The following SEPTIN7 variants were observed in gnomAD, a reference collection of about 807,000 sequenced individuals.
SEPTIN7 encodes septin 7.
In SEPTIN7, 10 loss-of-function variants were observed where a neutral mutation model predicts 63.3. The ratio of observed to expected loss-of-function variants is 0.16; its 90% CI spans 0.10 to 0.27. SEPTIN7 has a LOEUF of 0.27. Among genes scored for constraint, SEPTIN7 ranks in the 10% least tolerant of loss-of-function variants. SEPTIN7 has a pLI of 1.00. For missense variants in SEPTIN7, 310 were observed against 521.0 expected (o/e 0.59, Z 3.94); for synonymous variants, 131 against 165.3 (o/e 0.79, Z 1.59).
At chr7:35,804,578 A>G (rs551969007) in intron 1 of SEPTIN7, among the ~76,000 whole-genome samples, 4 of 152,220 alleles carry the variant, frequency 2.6e-5, no homozygotes, top group African/African-American at 4.8e-5. Flanking sequence ...TATGGATGCA[A>G]ATCTTGGCTT....
intron 1 of SEPTIN7, chr7:35,815,049 G>A (rs1788966509): frequency 3.7e-6 from 1 of 267,752 alleles, no homozygotes; most frequent in Non-Finnish European, 7.4e-6. Context: ...TCATCAGTTC[G>A]GTTATATATT....
Position 35,885,808 on chromosome 7 carries a change from G to T in SEPTIN7, c.821-20G>T, listed in dbSNP as rs780964731. The T allele has an allele frequency of 4.4e-6, 7 of 1,581,940 alleles. No homozygotes were observed. In the African/African-American group the frequency reaches 9.4e-5, roughly 21 times the overall value. The stretch of plus-strand genomic sequence containing the variant: ...GGTTTAGTGGAAATATAACATATGC[G>T]GTCTGCTTTTTTCTTACAGTTGAAA... On this transcript the variant is annotated intron_variant, in intron 9 of 13. Coordinates refer to ENST00000350320, the MANE Select transcript of SEPTIN7 (RefSeq NM_001788.6).
At chr7:35,820,980 T>G (rs546216862) in intron 1 of SEPTIN7, among the ~76,000 whole-genome samples, 2 of 152,300 alleles carry the variant, frequency 1.3e-5, no homozygotes, top group Non-Finnish European at 2.9e-5. Flanking sequence ...TGGTCACTTG[T>G]GAGTGGGCCT....
intron 3 of SEPTIN7, among the ~76,000 whole-genome samples, chr7:35,849,187 T>C (rs1352709855): frequency 2.0e-5 from 3 of 152,220 alleles, no homozygotes; most frequent in Non-Finnish European, 4.4e-5. Context: ...AATTGTCTTA[T>C]AGTAAATTCC....
downstream of SEPTIN7, among the ~76,000 whole-genome samples, chr7:35,907,517 ATGAGGAAAC>A: frequency 6.6e-6 from 1 of 152,254 alleles, no homozygotes; most frequent in Non-Finnish European, 1.5e-5. Flanking sequence ...CTGCAAAAGG[ATGAGGAAAC>A]TGAGGGTTTA....
At chr7:35,866,605 A>G (rs558936177) in intron 4 of SEPTIN7, among the ~76,000 whole-genome samples, 1 of 152,286 alleles carries the variant, frequency 6.6e-6, no homozygotes, top group East Asian at 1.9e-4. Context: ...CTTAAAGGAG[A>G]TATTCATTCA....
At chr7:35,813,486 C>A (rs904309763) in intron 1 of SEPTIN7, among the ~76,000 whole-genome samples, 1 of 152,012 alleles carries the variant, frequency 6.6e-6, no homozygotes, top group Non-Finnish European at 1.5e-5. Context: ...CTGGGTTCAG[C>A]TGCTGGCCTC....
chr7:35,828,239 A>G lies in SEPTIN7; in HGVS notation c.62-3253A>G, dbSNP rs1425629547. ...GACCTTATTTCCAAATTTTATCAGTATGTCTGTTTCTGTAATGGTATCTTT... is the reference window on the plus strand; with the variant it reads ...GACCTTATTTCCAAATTTTATCAGTGTGTCTGTTTCTGTAATGGTATCTTT... On this transcript the variant is annotated intron_variant, in intron 1 of 13. Coordinates refer to ENST00000350320, the MANE Select transcript of SEPTIN7 (RefSeq NM_001788.6). Among the ~76,000 whole-genome samples the G allele has an allele frequency of 2.0e-5, 3 of 152,084 alleles. No homozygotes were observed. The East Asian group carries it at 5.8e-4, about 29-fold the overall frequency.
intron 11 of SEPTIN7, among the ~76,000 whole-genome samples, chr7:35,895,699 A>G (rs1303259598): frequency 6.6e-6 from 1 of 152,218 alleles, no homozygotes. Flanking sequence ...TGCAGCTTTT[A>G]GCATGCTTTA....
At chr7:35,853,262 T>C (rs1375477247) in intron 3 of SEPTIN7, among the ~76,000 whole-genome samples, 1 of 152,032 alleles carries the variant, frequency 6.6e-6, no homozygotes, top group East Asian at 1.9e-4. Flanking sequence ...TGAGACCTCA[T>C]CTCTTAAAAA....
At chr7:35,865,377 TTCTTG>T (rs1785755876) in intron 4 of SEPTIN7, among the ~76,000 whole-genome samples, 1 of 152,188 alleles carries the variant, frequency 6.6e-6, no homozygotes, top group Admixed American at 6.5e-5. Flanking sequence ...AATTTGCCTG[TTCTTG>T]AATGTTACAT....
At position 35,900,257 on chromosome 7, in the gene SEPTIN7, T is replaced by TA. The variant is rs1405403484; in HGVS notation, c.1134+1875dup. 2.7e-4 allele frequency: 41 copies of TA among 152,222 alleles called. 2 individuals carry two copies. 9.4% of individuals were successfully genotyped at this position (152,222 alleles called of 1,614,324 possible). A position where few individuals can be genotyped will look rare whatever the true frequency, so the allele number is the denominator to read the frequency against. On this transcript the variant is annotated intron_variant, in intron 12 of 13. Coordinates refer to ENST00000350320, the MANE Select transcript of SEPTIN7 (RefSeq NM_001788.6). ...TCTTATTAAAATCTTTCACTGTTGT[T>TA]ATATTTGTTGTGAGTTTAATTTAGC...
rs1436046033 is a variant in SEPTIN7 at position 35,907,103 on chromosome 7, T to C, written c.*2810T>C. The C allele has an allele frequency of 2.6e-5, 4 of 152,230 alleles. No individual in the cohort carries two copies. Among genetic ancestry groups the C allele is most frequent in the African/African-American group, 7.2e-5 (3 of 41,456 alleles). The allele number at this position is 152,230 out of a possible 1,614,324, so 9.4% of individuals were successfully genotyped here. Reference sequence around the variant, plus strand: ...AAGAGTGAAATAAAAGGTTTACACTTTCCCCAAGCTCCAATGAATTATTAC... The same window carrying C: ...AAGAGTGAAATAAAAGGTTTACACTCTCCCCAAGCTCCAATGAATTATTAC... On this transcript the variant is annotated 3_prime_UTR_variant, in exon 14 of 14. Coordinates refer to ENST00000350320, the MANE Select transcript of SEPTIN7 (RefSeq NM_001788.6).
At chr7:35,880,682 T>C (rs961353503) in intron 7 of SEPTIN7, among the ~76,000 whole-genome samples, 3 of 151,988 alleles carry the variant, frequency 2.0e-5, no homozygotes, top group African/African-American at 7.2e-5. Context: ...TTGTTTTCAG[T>C]GCACTAATTT....
chr7:35,870,479 C>G lies in SEPTIN7; in HGVS notation c.277-2187C>G, dbSNP rs74185961. Among the ~76,000 whole-genome samples, 1,212 of 152,076 alleles carry G rather than the reference C, an allele frequency of 8.0e-3. 119 individuals carry two copies. In the East Asian group the frequency reaches 0.21, roughly 26 times the overall value. On this transcript the variant is annotated intron_variant, in intron 4 of 13. Transcript: ENST00000350320. ...TTGTATCACTTTCTAGTGTGTAGTA[C>G]TATGTTATTTAAAAGAGTAAGTAGG...
At chr7:35,896,055 T>C (rs6966092) in intron 11 of SEPTIN7, among the ~76,000 whole-genome samples, 136,239 of 152,248 alleles carry the variant, frequency 0.89, 62,488 homozygotes, top group Non-Finnish European at 0.99. Flanking sequence ...GTGATCTGCC[T>C]GCCTTGGCCT....
At chr7:35,862,239 C>G (rs11975324) in intron 3 of SEPTIN7, among the ~76,000 whole-genome samples, 1,993 of 152,140 alleles carry the variant, frequency 0.013, 43 homozygotes, top group African/African-American at 0.044. Context: ...TTCTTCCTCT[C>G]TCTTTTCCCT....
chr7:35,801,468 G>A (rs576082204), intron 1 of SEPTIN7, among the ~76,000 whole-genome samples, 198 bp downstream of exon 1: 3 of 151,898 alleles, frequency 2.0e-5, no homozygotes, highest in African/African-American at 7.2e-5. Context: ...GGCGGTGACA[G>A]TTTGAATTGA....
At chr7:35,831,445 G>T (rs1334050200) in intron 1 of SEPTIN7, 47 bp from the exon 2 acceptor site, 3 of 457,098 alleles carry the variant, frequency 6.6e-6, no homozygotes, top group African/African-American at 4.1e-5. Context: ...GATTTCTTCT[G>T]TTGGAATCTG....
Sources: allele counts gnomAD v4.1 joint callset (sites outside exome capture counted in the v4.1 genomes callset), GRCh38; gene constraint gnomAD v4.1.1; transcripts MANE v1.5; gene names NCBI Gene and HGNC (gene_info 2026-07-23, HGNC 2026-07-21).